Variants in ALX4 observed in about 807,000 individuals in gnomAD.
The protein encoded by ALX4 is homeobox protein aristaless-like 4.
A neutral mutation model predicts 40.6 loss-of-function variants in ALX4; 22 were observed. The observed-to-expected ratio is 0.54, with a 90% CI of 0.39 to 0.77. The LOEUF is 0.77. Among genes scored for constraint, ALX4 ranks in the 30% least tolerant of loss-of-function variants. The probability of loss-of-function intolerance (pLI) is 0.00; values close to 1 mark genes in which losing one functional copy is unlikely to be tolerated. For missense variants in ALX4, 556 were observed against 564.8 expected (o/e 0.98, Z 0.16); for synonymous variants, 266 against 240.5 (o/e 1.11, Z -0.98).
intron 1 of ALX4, among the ~76,000 whole-genome samples, chr11:44,280,002 G>A (rs1387931720): frequency 6.6e-6 from 1 of 152,172 alleles, no homozygotes; most frequent in Non-Finnish European, 1.5e-5. Flanking sequence ...TTGGTGAGCC[G>A]ATGTTCTATA....
intron 1 of ALX4, among the ~76,000 whole-genome samples, chr11:44,292,626 G>T (rs1359325604): frequency 6.6e-6 from 1 of 152,078 alleles, no homozygotes; most frequent in Non-Finnish European, 1.5e-5. Context: ...CTATAAAATA[G>T]TTAACAATTC....
In ALX4 at chr11:44,261,999, G is replaced by A. The variant is rs1956185246; in HGVS notation, c.*2855C>T. 1 of 152,328 alleles carries A rather than the reference G, an allele frequency of 6.6e-6. No individual in the cohort carries two copies. Among genetic ancestry groups the A allele is most frequent in the South Asian group, 2.1e-4 (1 of 4,836 alleles). The allele number at this position is 152,328 out of a possible 1,614,324, so 9.4% of individuals were successfully genotyped here. A position where few individuals can be genotyped will look rare whatever the true frequency, so the allele number is the denominator to read the frequency against. On this transcript the variant is annotated 3_prime_UTR_variant, in exon 4 of 4. Coordinates refer to ENST00000652299, the MANE Select transcript of ALX4 (RefSeq NM_021926.4). ...GGGCCTAGCCACCTGTCTTGGAAGG[G>A]ACTGGGCCCCAAGGTTCTCTTCTGG...
rs144345241 is a variant in ALX4, at chr11:44,262,718, A to C, written c.*2136T>G. The C allele has an allele frequency of 1.3e-5, 2 of 152,344 alleles. No homozygotes were observed. The highest frequency in any genetic ancestry group is 4.8e-5 in the African/African-American group (2 of 41,548). The allele number at this position is 152,344 out of a possible 1,614,324, so 9.4% of individuals were successfully genotyped here. On this transcript the variant is annotated 3_prime_UTR_variant, in exon 4 of 4. Coordinates refer to ENST00000652299, the MANE Select transcript of ALX4 (RefSeq NM_021926.4). ...TGTCCTGATTCTCTCATGGGTGAGA[A>C]AGACCCAAGGTGAAAGTTCCTTCCT...
At chr11:44,292,806 G>A (rs942825708) in intron 1 of ALX4, among the ~76,000 whole-genome samples, 2 of 151,914 alleles carry the variant, frequency 1.3e-5, no homozygotes, top group Admixed American at 6.6e-5. Flanking sequence ...GTTAAAAATG[G>A]TTCTTTTGGC....
At chr11:44,302,285 C>T (rs1011192506) in intron 1 of ALX4, among the ~76,000 whole-genome samples, 3 of 152,154 alleles carry the variant, frequency 2.0e-5, no homozygotes, top group East Asian at 1.9e-4. Context: ...CCCTCGGCCT[C>T]GCCCTGAAAC....
chr11:44,302,545 T>C (rs962689693), intron 1 of ALX4, among the ~76,000 whole-genome samples: 1 of 152,190 alleles, frequency 6.6e-6, no homozygotes, highest in African/African-American at 2.4e-5. Context: ...TGGCATGTTC[T>C]ACCTCCTAGG....
intron 1 of ALX4, among the ~76,000 whole-genome samples, chr11:44,289,352 A>T (rs1027761658): frequency 3.9e-5 from 6 of 152,348 alleles, no homozygotes; most frequent in Middle Eastern, 3.4e-3. Flanking sequence ...GATTACAACC[A>T]TGACAGCAAT....
intron 1 of ALX4, among the ~76,000 whole-genome samples, chr11:44,305,415 C>T (rs575461757): frequency 6.6e-6 from 1 of 152,314 alleles, no homozygotes; most frequent in East Asian, 1.9e-4. Context: ...TCCCTCCCTC[C>T]AAAATTAAAC....
In ALX4 at chr11:44,265,478, T is replaced by C. The variant is rs75714601; in HGVS notation, c.907-295A>G. On this transcript the variant is annotated intron_variant, in intron 3 of 3. Coordinates refer to ENST00000652299, the MANE Select transcript of ALX4 (RefSeq NM_021926.4). The stretch of plus-strand genomic sequence containing the variant: ...ACACCCCAGCACCCCCCAGCTGGCT[T>C]CCTATTTTTAGACTCAACTGTAGAC... Among the ~76,000 whole-genome samples the C allele has an allele frequency of 0.27, 41,748 of 151,984 alleles. 5,899 individuals carry two copies. Among genetic ancestry groups the C allele is most frequent in the Middle Eastern group, 0.34 (99 of 294 alleles).
intron 1 of ALX4, among the ~76,000 whole-genome samples, chr11:44,279,254 C>CG (rs1956295263): frequency 6.6e-6 from 1 of 152,196 alleles, no homozygotes; most frequent in African/African-American, 2.4e-5. Flanking sequence ...AACCCCCCAG[C>CG]GCCCTTCCCC....
intron 3 of ALX4, 34 bp from the exon 4 acceptor site, chr11:44,265,217 C>G (rs368387718): frequency 1.9e-6 from 3 of 1,562,398 alleles, no homozygotes; most frequent in Non-Finnish European, 2.6e-6. Context: ...CACCGGCTGG[C>G]GGGCAGGTGT....
At chr11:44,285,831 T>C (rs563242982) in intron 1 of ALX4, among the ~76,000 whole-genome samples, 1 of 152,340 alleles carries the variant, frequency 6.6e-6, no homozygotes, top group South Asian at 2.1e-4. Flanking sequence ...CTGAATCCCC[T>C]GCTTTACAGC....
intron 1 of ALX4, among the ~76,000 whole-genome samples, chr11:44,305,011 T>C (rs750257074): frequency 6.6e-6 from 1 of 152,264 alleles, no homozygotes; most frequent in Non-Finnish European, 1.5e-5. Context: ...GAAACACTGC[T>C]GTCAGGAACA....
intron 1 of ALX4, among the ~76,000 whole-genome samples, chr11:44,286,824 C>T (rs1452213287): frequency 2.6e-5 from 4 of 152,148 alleles, no homozygotes; most frequent in Admixed American, 6.5e-5. Context: ...CAAAGTGAGG[C>T]GCCGAGAGAA....
intron 3 of ALX4, 148 bp downstream of exon 3, chr11:44,267,346 G>A: frequency 1.9e-6 from 2 of 1,047,578 alleles, no homozygotes; most frequent in South Asian, 1.6e-5. Context: ...CCCACACTCT[G>A]GTATAAACAG....
At chr11:44,308,700 C>T (rs1956484253) in intron 1 of ALX4, among the ~76,000 whole-genome samples, 1 of 152,236 alleles carries the variant, frequency 6.6e-6, no homozygotes, top group African/African-American at 2.4e-5. Flanking sequence ...GCGTTCAAGG[C>T]AGCTTGGAGG....
chr11:44,294,576 G>A (rs1056704648), intron 1 of ALX4, among the ~76,000 whole-genome samples: 1 of 152,176 alleles, frequency 6.6e-6, no homozygotes, highest in Admixed American at 6.5e-5. Flanking sequence ...GCTGCGTTAG[G>A]TAGAGATGGC....
Position 44,267,517 on chromosome 11 carries a change from T to C in ALX4, c.883A>G (p.Thr295Ala). ...ACCTGGGCGTAGTTCTCAGCTCGGGTGAGGAGGGGCAGCTCATATGCAGTG... is the reference window on the plus strand; with the variant it reads ...ACCTGGGCGTAGTTCTCAGCTCGGGCGAGGAGGGGCAGCTCATATGCAGTG... ...FSTAYELPLL[T>A]RAENYAQIQN... is the part of the protein sequence containing the mutation. The change falls in exon 3 of 4, where the codon ACC becomes GCC. Residue 295 changes from threonine to alanine, a missense_variant. Coordinates refer to ENST00000652299, the MANE Select transcript of ALX4 (RefSeq NM_021926.4). The C allele has an allele frequency of 6.2e-7, 1 of 1,613,928 alleles. No homozygotes were observed. The highest frequency in any genetic ancestry group is 8.5e-7 in the Non-Finnish European group (1 of 1,179,966).
In ALX4 at chr11:44,309,809, C is replaced by A. The variant is rs868679217; in HGVS notation, c.254G>T (p.Gly85Val). 1.3e-6 allele frequency: 2 copies of A among 1,551,638 alleles called. No homozygotes were observed. Among genetic ancestry groups the A allele is most frequent in the South Asian group, 1.2e-5 (1 of 84,264 alleles). The change falls in exon 1 of 4, where the codon GGC becomes GTC. Residue 85 changes from glycine to valine, a missense_variant. Transcript: ENST00000652299. ...CTGGGGCTGGAACTTGTTAAAGGAG[C>A]CCCGCGCCCCAGCTCCACTCTCCAG... Reference protein sequence around the residue: ...TPLESGAGARGSFNKFQPQPS... With the variant: ...TPLESGAGARVSFNKFQPQPS...
Sources: gnomAD v4.1 joint callset for allele counts (sites outside exome capture counted in the v4.1 genomes callset) on GRCh38, gnomAD v4.1.1 for gene constraint, MANE v1.5 for transcripts, NCBI Gene and HGNC (gene_info 2026-07-23, HGNC 2026-07-21) for gene names.